Variants in STAB2 observed in about 807,000 individuals in gnomAD.
STAB2 encodes the protein stabilin-2.
A neutral mutation model predicts 338.1 loss-of-function variants in STAB2; 288 were observed. The ratio of observed to expected loss-of-function variants is 0.85; its 90% CI spans 0.77 to 0.94. The LOEUF (loss-of-function observed/expected upper bound fraction) is 0.94. Ranked by LOEUF, STAB2 falls within the 40% of genes least tolerant of loss-of-function variation. The probability of loss-of-function intolerance (pLI) is 0.00; values close to 1 mark genes in which losing one functional copy is unlikely to be tolerated. For missense variants in STAB2, 3,141 were observed against 3,210.1 expected, an observed-to-expected ratio of 0.98 and a Z score of 0.52; for synonymous variants, 1,202 against 1,193.3, an observed-to-expected ratio of 1.01 and a Z score of -0.15.
intron 19 of STAB2, 121 bp downstream of exon 19, chr12:103,666,474 G>A: frequency 5.0e-6 from 5 of 1,002,730 alleles, no homozygotes; most frequent in South Asian, 1.4e-5. Flanking sequence ...ATATAAGATG[G>A]GCTCGTAGCC....
chr12:103,674,094 C>G lies in STAB2; in HGVS notation c.2552+7C>G, dbSNP rs202073151. On this transcript the variant is annotated splice_region_variant and intron_variant, in intron 23 of 68. Coordinates refer to ENST00000388887, the MANE Select transcript of STAB2 (RefSeq NM_017564.10). ...ACAGCAATGGGACAGCCAGGTAGGT[C>G]TGTGAGGGAATGGCCCTTAATGACG... 2.8e-3 allele frequency: 4,488 copies of G among 1,604,374 alleles called. 18 individuals are homozygous for G. The highest frequency in any genetic ancestry group is 3.5e-3 in the Non-Finnish European group (4,139 of 1,172,554).
At chr12:103,687,478 T>G (rs1877532580) in intron 27 of STAB2, among the ~76,000 whole-genome samples, 3 of 152,294 alleles carry the variant, frequency 2.0e-5, no homozygotes, top group African/African-American at 4.8e-5. Flanking sequence ...ACATCCTCTT[T>G]CATATCTTAT....
chr12:103,733,304 C>T, intron 51 of STAB2, 122 bp downstream of exon 51: 1 of 1,134,936 alleles, frequency 8.8e-7, no homozygotes, highest in Admixed American at 1.9e-5. Context: ...ATGCAGGAAG[C>T]CACAGCATCC....
chr12:103,747,812 T>C (rs557798684), intron 58 of STAB2, among the ~76,000 whole-genome samples: 1 of 152,134 alleles, frequency 6.6e-6, no homozygotes, highest in Non-Finnish European at 1.5e-5. Flanking sequence ...CTGGCCAACA[T>C]GGTGAAACCC....
At chr12:103,735,448 G>T (rs755387187) in intron 51 of STAB2, 43 bp from the exon 52 acceptor site, 47 of 1,489,492 alleles carry the variant, frequency 3.2e-5, no homozygotes, top group Non-Finnish European at 3.8e-5. Flanking sequence ...TCCCTTCTTC[G>T]GCCCAAATTT....
chr12:103,648,600 C>A, intron 9 of STAB2, 90 bp from the exon 10 acceptor site: 1 of 1,518,968 alleles, frequency 6.6e-7, no homozygotes, highest in Non-Finnish European at 8.8e-7. Flanking sequence ...GCATCCTTTG[C>A]TCCATCTGTT....
rs1565977233 is a variant in STAB2, at chr12:103,638,098, C to T, written c.792C>T (p.Cys264=). 1 of 1,614,180 alleles carries T rather than the reference C, an allele frequency of 6.2e-7. No homozygotes were observed. Among genetic ancestry groups the T allele is most frequent in the East Asian group, 2.2e-5 (1 of 44,888 alleles). The part of the protein sequence containing the change: ...YLGPNRHSCT[C]QEGYRGDGQV... ...GACCAAATCGGCACAGTTGTACATG[C>T]CAAGAAGGCTACCGTGGGGATGGCC... Residue 264 remains cysteine, a synonymous_variant, in exon 8 of 69, where the codon TGC becomes TGT. Transcript: ENST00000388887.
chr12:103,632,757 G>T (rs1957483332), intron 6 of STAB2, among the ~76,000 whole-genome samples: 1 of 152,094 alleles, frequency 6.6e-6, no homozygotes, highest in African/African-American at 2.4e-5. Context: ...AGGAGTTCCC[G>T]CCTCCCACCG....
At position 103,742,435 on chromosome 12, in the gene STAB2, A is replaced by G; in HGVS notation, c.5912A>G (p.Asn1971Ser). ...ACPGGPDAPC[N>S]NRGVCLDQYS... ...CCTGGAGGACCAGATGCCCCGTGTAATAACCGGGGTGTCTGCCTTGATCAG... is the reference window on the plus strand; with the variant it reads ...CCTGGAGGACCAGATGCCCCGTGTAGTAACCGGGGTGTCTGCCTTGATCAG... Residue 1971 changes from asparagine to serine, a missense_variant, in exon 56 of 69, where the codon AAT becomes AGT. Asn to Ser is a conservative substitution (Grantham distance 46). Coordinates refer to ENST00000388887, the MANE Select transcript of STAB2 (RefSeq NM_017564.10). 1.2e-6 allele frequency: 2 copies of G among 1,614,118 alleles called. No individual in the cohort carries two copies. The highest frequency in any genetic ancestry group is 8.5e-7 in the Non-Finnish European group (1 of 1,180,016).
Position 103,761,371 on chromosome 12 carries a change from T to C in STAB2, c.7320T>C (p.His2440=), listed in dbSNP as rs1884524638. Residue 2440 remains histidine, a synonymous_variant, in exon 66 of 69, where the codon CAT becomes CAC. Coordinates refer to ENST00000388887, the MANE Select transcript of STAB2 (RefSeq NM_017564.10). The part of the protein sequence containing the change: ...WDIFASNGII[H]VISRPLKAPP... The stretch of plus-strand genomic sequence containing the variant: ...TCTTTGCCTCCAATGGGATCATTCA[T>C]GTCATTTCCAGGCCTTTAAAAGCAC... 1 of 1,613,870 alleles carries C rather than the reference T, an allele frequency of 6.2e-7. No homozygotes were observed. Among genetic ancestry groups the C allele is most frequent in the Non-Finnish European group, 8.5e-7 (1 of 1,179,978 alleles).
intron 3 of STAB2, among the ~76,000 whole-genome samples, chr12:103,611,827 G>T (rs902515747): frequency 6.6e-6 from 1 of 152,172 alleles, no homozygotes; most frequent in African/African-American, 2.4e-5. Flanking sequence ...GCTGGTACCG[G>T]TTGTTCCTTT....
chr12:103,649,566 T>C (rs188897228), intron 10 of STAB2, among the ~76,000 whole-genome samples: 2 of 152,360 alleles, frequency 1.3e-5, no homozygotes, highest in Admixed American at 1.3e-4. Context: ...AGCTTTTATG[T>C]TGGAATTTAC....
chr12:103,660,491 C>T (rs886877867), intron 16 of STAB2, 107 bp downstream of exon 16: 100 of 1,394,328 alleles, frequency 7.2e-5, no homozygotes, highest in Non-Finnish European at 1.0e-4. Flanking sequence ...ATCTGTAGCT[C>T]TGAATAAACC....
intron 13 of STAB2, chr12:103,654,952 A>G (rs1188935983): frequency 1.8e-6 from 1 of 542,996 alleles, no homozygotes; most frequent in Non-Finnish European, 3.2e-6. Context: ...TGCATCAGGC[A>G]ACTCAGTCCA....
At chr12:103,657,309 T>C (rs765349983) in intron 15 of STAB2, among the ~76,000 whole-genome samples, 12 of 150,932 alleles carry the variant, frequency 8.0e-5, no homozygotes, top group Non-Finnish European at 7.4e-5. Flanking sequence ...CCTGAGTACA[T>C]AGCTTCTAAT....
At chr12:103,593,560 A>G (rs994183891) in intron 2 of STAB2, among the ~76,000 whole-genome samples, 1 of 152,180 alleles carries the variant, frequency 6.6e-6, no homozygotes, top group Non-Finnish European at 1.5e-5. Context: ...AGTATTCTCA[A>G]CCATTCAAAA....
chr12:103,740,645 T>C lies in STAB2; in HGVS notation c.5770T>C (p.Cys1924Arg), dbSNP rs1882505387. The C allele has an allele frequency of 6.2e-7, 1 of 1,612,216 alleles. No homozygotes were observed. The highest frequency in any genetic ancestry group is 8.5e-7 in the Non-Finnish European group (1 of 1,179,258). Reference sequence around the variant, plus strand: ...CTTCCCTTAGGGTGTGAAGCAGAAGTGTCTCTACAACCTGCCCTTCAAGAG... The same window carrying C: ...CTTCCCTTAGGGTGTGAAGCAGAAGCGTCTCTACAACCTGCCCTTCAAGAG... Reference protein sequence around the residue: ...WSKPKGVKQKCLYNLPFKRNL... With the variant: ...WSKPKGVKQKRLYNLPFKRNL... The change falls in exon 55 of 69, where the codon TGT becomes CGT. Residue 1924 changes from cysteine to arginine, a missense_variant. Coordinates refer to ENST00000388887, the MANE Select transcript of STAB2 (RefSeq NM_017564.10).
intron 56 of STAB2, among the ~76,000 whole-genome samples, chr12:103,743,736 C>A (rs190265858): frequency 1.3e-5 from 2 of 152,180 alleles, no homozygotes; most frequent in African/African-American, 2.4e-5. Flanking sequence ...ACCAGAGGAA[C>A]AGCTTTCCTC....
chr12:103,763,285 C>A (rs867580406), intron 67 of STAB2: 2 of 582,446 alleles, frequency 3.4e-6, no homozygotes, highest in Middle Eastern at 9.7e-4. Context: ...TGGTGGTGAT[C>A]ACAAATGGGC....
Sources: allele counts gnomAD v4.1 joint callset (sites outside exome capture counted in the v4.1 genomes callset), GRCh38; gene constraint gnomAD v4.1.1; transcripts MANE v1.5; gene names NCBI Gene and HGNC (gene_info 2026-07-23, HGNC 2026-07-21).